The following NAA15 variants were observed in gnomAD, a reference collection of about 807,000 sequenced individuals.
NAA15 encodes N-alpha-acetyltransferase 15, NatA auxiliary subunit.
Under a neutral mutation model 114.0 loss-of-function variants are expected in NAA15, and 34 were observed. That is an observed-to-expected ratio of 0.30 (90% CI 0.23 to 0.40). NAA15 has a LOEUF of 0.40. NAA15 is among the 10% of genes least tolerant of loss of function. NAA15 has a pLI of 1.00. For synonymous variants in NAA15, 340 were observed against 338.0 expected, an observed-to-expected ratio of 1.01 and a Z score of -0.06; for missense variants, 658 against 1,004.5, an observed-to-expected ratio of 0.66 and a Z score of 4.66.
At chr4:139,380,998 A>G (rs1748736734) in intron 17 of NAA15, among the ~76,000 whole-genome samples, 1 of 152,202 alleles carries the variant, frequency 6.6e-6, no homozygotes, top group Non-Finnish European at 1.5e-5. Context: ...TTACAAAGAA[A>G]CCCTCACAGA....
At position 139,304,600 on chromosome 4, in the gene NAA15, A is replaced by G. The variant is rs900145391; in HGVS notation, c.54+2769A>G. On this transcript the variant is annotated intron_variant, in intron 1 of 19. Transcript: ENST00000296543. ...TAGATTACTTATAATACCTAATGCA[A>G]TATTACTGTTATATAGTTATACTGT... Among the ~76,000 whole-genome samples, 5 of 152,220 alleles carry G rather than the reference A, an allele frequency of 3.3e-5. No individual in the cohort carries two copies. The East Asian group carries it at 9.6e-4, about 29-fold the overall frequency.
chr4:139,337,021 A>G, intron 3 of NAA15, 69 bp downstream of exon 3: 1 of 895,700 alleles, frequency 1.1e-6, no homozygotes, highest in African/African-American at 1.7e-5. Flanking sequence ...TTTGAGAGTC[A>G]AAGTTTTAGA....
intron 14 of NAA15, among the ~76,000 whole-genome samples, chr4:139,364,340 A>G (rs2110965019): frequency 6.6e-6 from 1 of 152,220 alleles, no homozygotes; most frequent in African/African-American, 2.4e-5. Context: ...CTACTTAAAA[A>G]TTTAAAATAT....
chr4:139,329,397 T>C (rs1459325038), intron 1 of NAA15, among the ~76,000 whole-genome samples: 15 of 152,224 alleles, frequency 9.9e-5, no homozygotes. Context: ...TTGGATGTTA[T>C]ACATTATAGG....
intron 6 of NAA15, 126 bp downstream of exon 6, chr4:139,344,465 T>G (rs1417463483): frequency 1.4e-6 from 1 of 715,480 alleles, no homozygotes. Flanking sequence ...TATTTCTTAC[T>G]CGTGTACTTT....
At chr4:139,378,697 C>G in intron 16 of NAA15, 59 bp from the exon 17 acceptor site, 1 of 1,005,870 alleles carries the variant, frequency 9.9e-7, no homozygotes, top group South Asian at 1.6e-5. Context: ...AAGTCTTGGC[C>G]CTCCAAAGGA....
At chr4:139,370,438 A>G (rs770993108) in intron 15 of NAA15, 34 bp downstream of exon 15, 21 of 1,492,962 alleles carry the variant, frequency 1.4e-5, no homozygotes, top group South Asian at 3.0e-5. Context: ...CAATTGAGTG[A>G]CATTTTATGA....
intron 14 of NAA15, among the ~76,000 whole-genome samples, chr4:139,369,826 CAG>C (rs1290707131): frequency 1.3e-5 from 2 of 151,048 alleles, no homozygotes; most frequent in South Asian, 4.2e-4. Flanking sequence ...TTTTTTGAGA[CAG>C]AGTTTCGCTC....
At chr4:139,344,080 A>G (rs1747498741) in intron 5 of NAA15, 106 bp from the exon 6 acceptor site, 2 of 976,738 alleles carry the variant, frequency 2.0e-6, no homozygotes, top group Non-Finnish European at 3.0e-6. Flanking sequence ...AGTTTTATCA[A>G]CCGGATGTTA....
chr4:139,378,151 T>C (rs1006243274), intron 16 of NAA15, among the ~76,000 whole-genome samples: 2 of 152,182 alleles, frequency 1.3e-5, no homozygotes, highest in Non-Finnish European at 2.9e-5. Context: ...AGAGGTTGGT[T>C]ATAGATAAAA....
chr4:139,328,774 G>A (rs1746893988), intron 1 of NAA15, among the ~76,000 whole-genome samples: 2 of 151,392 alleles, frequency 1.3e-5, no homozygotes, highest in South Asian at 4.2e-4. Flanking sequence ...CACCATGTTG[G>A]CCAGGATGGT....
At chr4:139,356,189 A>G (rs1747943114) in intron 10 of NAA15, among the ~76,000 whole-genome samples, 1 of 152,228 alleles carries the variant, frequency 6.6e-6, no homozygotes, top group East Asian at 1.9e-4. Flanking sequence ...ATAATCACCA[A>G]ATTCAAAATA....
intron 1 of NAA15, among the ~76,000 whole-genome samples, chr4:139,319,307 C>A (rs1430013215): frequency 2.6e-5 from 4 of 151,982 alleles, no homozygotes; most frequent in Non-Finnish European, 5.9e-5. Context: ...GGGTTTTCAA[C>A]ACGTTGGCCA....
Position 139,315,063 on chromosome 4 carries a change from T to C in NAA15, c.54+13232T>C, listed in dbSNP as rs558683869. On this transcript the variant is annotated intron_variant, in intron 1 of 19. Transcript: ENST00000296543. ...TAGGTTAGGTTAGGTTAGTTTAGTT[T>C]AGTTTAGTTTAGTTTTTGAGACGGA... Among the ~76,000 whole-genome samples the C allele has an allele frequency of 7.0e-4, 96 of 137,316 alleles. 5 individuals are homozygous for C. Among genetic ancestry groups the C allele is most frequent in the African/African-American group, 1.4e-3 (48 of 34,050 alleles). 90.1% of individuals were successfully genotyped at this position (137,316 alleles called of 152,430 possible).
chr4:139,344,664 G>T (rs1312030825), intron 6 of NAA15, among the ~76,000 whole-genome samples: 3 of 152,096 alleles, frequency 2.0e-5, no homozygotes, highest in Non-Finnish European at 4.4e-5. Flanking sequence ...TAAGACAGAG[G>T]ATGACATTTC....
intron 1 of NAA15, among the ~76,000 whole-genome samples, chr4:139,310,351 G>A (rs1746177955): frequency 6.7e-6 from 1 of 149,850 alleles, no homozygotes; most frequent in Admixed American, 6.6e-5. Context: ...CTACTTGGGA[G>A]GCTGAGGCAG....
Position 139,360,487 on chromosome 4 carries a change from G to A in NAA15, c.1411-13G>A. On this transcript the variant is annotated splice_polypyrimidine_tract_variant and intron_variant, in intron 12 of 19. Coordinates refer to ENST00000296543, the MANE Select transcript of NAA15 (RefSeq NM_057175.5). ...ATAAAAAGTGATCTTGAAAATATTT[G>A]ATTTCTGTATAGGAAGGAACATCAG... 6.6e-7 allele frequency: 1 copy of A among 1,525,752 alleles called. No homozygotes were observed. The highest frequency in any genetic ancestry group is 8.8e-7 in the Non-Finnish European group (1 of 1,137,844). The allele number at this position is 1,525,752 out of a possible 1,614,324, so 94.5% of individuals were successfully genotyped here. A position where few individuals can be genotyped will look rare whatever the true frequency, so the allele number is the denominator to read the frequency against.
Position 139,357,546 on chromosome 4 carries a change from A to G in NAA15, c.1248A>G (p.Lys416=), listed in dbSNP as rs1235586760. Residue 416 remains lysine (K), a synonymous_variant, in exon 11 of 20, where the codon AAA becomes AAG. Transcript: ENST00000296543. Reference sequence around the variant, plus strand: ...TAGAACTCTTTCTCGTGAAAGCTAAAATCTATAAGGTAAAAATCTTTTTTT... The same window carrying G: ...TAGAACTCTTTCTCGTGAAAGCTAAGATCTATAAGGTAAAAATCTTTTTTT... ...TLIELFLVKA[K]IYKHAGNIKE... is the part of the protein sequence containing the mutation. The G allele has an allele frequency of 1.3e-6, 2 of 1,598,114 alleles. 1 individual carries two copies. The highest frequency in any genetic ancestry group is 3.4e-5 in the Admixed American group (2 of 59,006).
chr4:139,354,028 G>A lies in NAA15; in HGVS notation c.1017G>A (p.Val339=). The change falls in exon 10 of 20, where the codon GTG becomes GTA. Residue 339 remains valine (V), a splice_region_variant and synonymous_variant. Coordinates refer to ENST00000296543, the MANE Select transcript of NAA15 (RefSeq NM_057175.5). ...LRSLYKDKEK[V]AIIEELVVGY... ...GTGTTTGTGTGTTTGTACTCTAGGTGGCAATCATAGAAGAGTTAGTAGTAG... is the reference window on the plus strand; with the variant it reads ...GTGTTTGTGTGTTTGTACTCTAGGTAGCAATCATAGAAGAGTTAGTAGTAG... The A allele has an allele frequency of 6.2e-7, 1 of 1,612,308 alleles. No homozygotes were observed. Among genetic ancestry groups the A allele is most frequent in the African/African-American group, 1.3e-5 (1 of 74,974 alleles).
Sources: allele counts gnomAD v4.1 joint callset (sites outside exome capture counted in the v4.1 genomes callset), GRCh38; gene constraint gnomAD v4.1.1; transcripts MANE v1.5; gene names NCBI Gene and HGNC (gene_info 2026-07-23, HGNC 2026-07-21).